NRXN1: variants seen among roughly 807,000 people sequenced by gnomAD.
NRXN1 encodes the protein neurexin 1, also known as neurexin-1.
Under a neutral mutation model 150.9 loss-of-function variants are expected in NRXN1, and 39 were observed. The ratio of observed to expected loss-of-function variants is 0.26; its 90% CI spans 0.20 to 0.34. The LOEUF (loss-of-function observed/expected upper bound fraction) is 0.34, where lower values mean the gene tolerates loss of function less well. NRXN1 is among the 10% of genes least tolerant of loss of function. The probability of loss-of-function intolerance (pLI) is 1.00; values close to 1 mark genes in which losing one functional copy is unlikely to be tolerated. For missense variants in NRXN1, 1,815 were observed against 1,949.9 expected (o/e 0.93, Z 1.30); for synonymous variants, 924 against 757.0 (o/e 1.22, Z -3.62).
At chr2:50,810,325 A>G (rs1668040167) in intron 5 of NRXN1, among the ~76,000 whole-genome samples, 1 of 152,192 alleles carries the variant, frequency 6.6e-6, no homozygotes, top group Non-Finnish European at 1.5e-5. Flanking sequence ...CTGTTTTCAT[A>G]TCTACATATA....
chr2:50,224,471 C>T (rs2064169391), intron 18 of NRXN1, among the ~76,000 whole-genome samples: 1 of 151,892 alleles, frequency 6.6e-6, no homozygotes, highest in African/African-American at 2.4e-5. Flanking sequence ...TGTTTAGTTA[C>T]CGTTCTTCTG....
intron 17 of NRXN1, among the ~76,000 whole-genome samples, chr2:50,430,449 T>C (rs553458117): frequency 3.9e-5 from 6 of 152,346 alleles, no homozygotes; most frequent in Non-Finnish European, 7.3e-5. Context: ...TCGCCACATG[T>C]GACTAGTGAG....
chr2:50,679,909 G>T (rs1210695622), intron 5 of NRXN1, among the ~76,000 whole-genome samples: 1 of 152,044 alleles, frequency 6.6e-6, no homozygotes, highest in East Asian at 1.9e-4. Flanking sequence ...AAGATGGGCA[G>T]ATCACTTGAG....
At chr2:50,246,769 C>G (rs766317417) in intron 17 of NRXN1, among the ~76,000 whole-genome samples, 1 of 152,050 alleles carries the variant, frequency 6.6e-6, no homozygotes, top group Non-Finnish European at 1.5e-5. Context: ...ACATTCATTC[C>G]AGCCAAGGTT....
intron 2 of NRXN1, among the ~76,000 whole-genome samples, chr2:51,021,256 C>A (rs896994169): frequency 2.6e-5 from 4 of 151,856 alleles, no homozygotes; most frequent in African/African-American, 4.8e-5. Flanking sequence ...GGTTTATTAA[C>A]CCTGTAATAA....
At position 49,919,074 on chromosome 2, in the gene NRXN1, T is replaced by C. The variant is rs1399693257; in HGVS notation, c.*2870A>G. 1 of 152,130 alleles carries C rather than the reference T, an allele frequency of 6.6e-6. No homozygotes were observed. Among genetic ancestry groups the C allele is most frequent in the African/African-American group, 2.4e-5 (1 of 41,450 alleles). 9.4% of individuals were successfully genotyped at this position (152,130 alleles called of 1,614,324 possible). On this transcript the variant is annotated 3_prime_UTR_variant, in exon 23 of 23. Coordinates refer to ENST00000401669, the MANE Select transcript of NRXN1 (RefSeq NM_001330078.2). ...GGATTGACCACTTCACACGTTATTG[T>C]AGTATTTGTTCTTTTAAAAAAGGCA... is the stretch of plus-strand genomic sequence containing the variant.
At chr2:50,301,651 A>T (rs1454381022) in intron 17 of NRXN1, among the ~76,000 whole-genome samples, 6 of 152,204 alleles carry the variant, frequency 3.9e-5, no homozygotes, top group Admixed American at 3.3e-4. Flanking sequence ...TTATGTAGCC[A>T]GTTTCTAGCA....
intron 5 of NRXN1, among the ~76,000 whole-genome samples, chr2:50,634,559 T>C (rs1682943218): frequency 6.6e-6 from 1 of 152,236 alleles, no homozygotes; most frequent in Non-Finnish European, 1.5e-5. Context: ...TTTCTTCATC[T>C]ACTGCTTTTA....
chr2:50,100,837 G>T (rs1036316732), intron 18 of NRXN1, among the ~76,000 whole-genome samples: 2 of 152,034 alleles, frequency 1.3e-5, no homozygotes, highest in Admixed American at 1.3e-4. Context: ...TATGTGTAAA[G>T]AATGTCTTTT....
chr2:50,598,612 A>C (rs10170990), intron 8 of NRXN1, among the ~76,000 whole-genome samples: 1 of 145,814 alleles, frequency 6.9e-6, no homozygotes, highest in African/African-American at 2.5e-5. Context: ...GTATATATAC[A>C]TATATATACA....
intron 21 of NRXN1, among the ~76,000 whole-genome samples, chr2:50,014,622 C>T (rs146661603): frequency 2.5e-4 from 38 of 152,246 alleles, no homozygotes; most frequent in East Asian, 9.6e-4. Context: ...CTTAACACCA[C>T]GTTTCAGTTA....
chr2:49,993,397 G>A (rs1397983134), intron 21 of NRXN1, among the ~76,000 whole-genome samples: 2 of 152,192 alleles, frequency 1.3e-5, no homozygotes, highest in Non-Finnish European at 2.9e-5. Context: ...CTGGTTGCTA[G>A]GGGTTTTATG....
chr2:49,966,382 C>T (rs928730989), intron 21 of NRXN1, among the ~76,000 whole-genome samples: 11 of 152,136 alleles, frequency 7.2e-5, no homozygotes, highest in African/African-American at 2.2e-4. Flanking sequence ...CTGGCACTAC[C>T]TTCAAAATAA....
intron 5 of NRXN1, among the ~76,000 whole-genome samples, chr2:50,873,618 C>G (rs1029445157): frequency 6.6e-6 from 1 of 151,742 alleles, no homozygotes; most frequent in Non-Finnish European, 1.5e-5. Context: ...CTTTAGAGAA[C>G]TTGAAAAAAT....
intron 18 of NRXN1, among the ~76,000 whole-genome samples, chr2:50,159,401 T>C (rs988862323): frequency 3.9e-5 from 6 of 152,264 alleles, no homozygotes; most frequent in South Asian, 2.1e-4. Context: ...TACTGTTCTA[T>C]CATTGGAAGA....
intron 9 of NRXN1, chr2:50,547,660 A>G (rs2093525178): frequency 6.6e-6 from 1 of 152,236 alleles, no homozygotes; most frequent in Admixed American, 6.5e-5. Flanking sequence ...TTGCCCTGTT[A>G]GTAGCTAAGT....
chr2:50,815,991 C>T (rs1033414686), intron 5 of NRXN1, among the ~76,000 whole-genome samples: 4 of 152,260 alleles, frequency 2.6e-5, no homozygotes, highest in Middle Eastern at 3.4e-3. Context: ...CTTCACCACA[C>T]CTGGACAGAC....
intron 18 of NRXN1, among the ~76,000 whole-genome samples, chr2:50,211,600 C>A (rs1428737807): frequency 1.3e-5 from 2 of 151,250 alleles, no homozygotes; most frequent in Non-Finnish European, 3.0e-5. Flanking sequence ...ATACTGGAGT[C>A]TATAAAGCAT....
At chr2:50,306,593 C>T (rs1378162786) in intron 17 of NRXN1, among the ~76,000 whole-genome samples, 2 of 152,206 alleles carry the variant, frequency 1.3e-5, no homozygotes, top group Non-Finnish European at 2.9e-5. Context: ...GCAGATTTCT[C>T]AGTAAGTACT....
Sources: allele counts gnomAD v4.1 joint callset (sites outside exome capture counted in the v4.1 genomes callset), GRCh38; gene constraint gnomAD v4.1.1; transcripts MANE v1.5; gene names NCBI Gene and HGNC (gene_info 2026-07-23, HGNC 2026-07-21).